The following ST6GAL1 variants were observed in gnomAD, a reference collection of about 807,000 sequenced individuals.
The protein encoded by ST6GAL1 is ST6 beta-galactoside alpha-2,6-sialyltransferase 1.
In ST6GAL1, 20 loss-of-function variants were observed where a neutral mutation model predicts 38.0. The observed-to-expected ratio is 0.53, with a 90% confidence interval of 0.37 to 0.77. ST6GAL1 has a LOEUF of 0.77. Among genes scored for constraint, ST6GAL1 ranks in the 30% least tolerant of loss-of-function variants. The probability of loss-of-function intolerance (pLI) is 0.00; values close to 1 mark genes in which losing one functional copy is unlikely to be tolerated. For missense variants in ST6GAL1, 432 were observed against 496.4 expected (o/e 0.87, Z 1.23); for synonymous variants, 196 against 188.2 (o/e 1.04, Z -0.34).
intron 4 of ST6GAL1, 138 bp from the exon 5 acceptor site, chr3:187,051,111 C>A: frequency 1.4e-6 from 1 of 720,920 alleles, no homozygotes; most frequent in Non-Finnish European, 2.4e-6. Flanking sequence ...CAAATACTGC[C>A]ATTTCGCCCT....
intron 5 of ST6GAL1, among the ~76,000 whole-genome samples, chr3:187,059,434 C>T (rs908427462): frequency 6.6e-6 from 1 of 152,200 alleles, no homozygotes; most frequent in Non-Finnish European, 1.5e-5. Flanking sequence ...AAAACCTCAT[C>T]TCCACTTCTA....
intron 2 of ST6GAL1, among the ~76,000 whole-genome samples, chr3:186,992,758 T>G (rs1716220317): frequency 6.6e-6 from 1 of 152,174 alleles, no homozygotes; most frequent in Admixed American, 6.5e-5. Context: ...ATCTCACCAC[T>G]GTACGCTAGC....
At chr3:186,944,252 A>G (rs948613843) in intron 1 of ST6GAL1, among the ~76,000 whole-genome samples, 4 of 152,204 alleles carry the variant, frequency 2.6e-5, no homozygotes, top group African/African-American at 9.7e-5. Flanking sequence ...GTTTGGAGAA[A>G]CACTTTGGGG....
chr3:187,029,774 G>A (rs1411318692), intron 2 of ST6GAL1, among the ~76,000 whole-genome samples: 1 of 152,206 alleles, frequency 6.6e-6, no homozygotes, highest in Non-Finnish European at 1.5e-5. Flanking sequence ...AGCCAATCAT[G>A]TGTGATCAAA....
intron 4 of ST6GAL1, among the ~76,000 whole-genome samples, chr3:187,050,662 C>T (rs542898144): frequency 5.0e-4 from 76 of 152,196 alleles, no homozygotes; most frequent in African/African-American, 1.8e-3. Context: ...CTCTGACCTC[C>T]TCTTCCATTT....
Position 187,075,754 on chromosome 3 carries a change from A to C in ST6GAL1, c.1172A>C (p.Tyr391Ser), listed in dbSNP as rs933095746. The C allele has an allele frequency of 6.2e-7, 1 of 1,614,232 alleles. No individual in the cohort carries two copies. Among genetic ancestry groups the C allele is most frequent in the African/African-American group, 1.3e-5 (1 of 75,066 alleles). Residue 391 changes from tyrosine (Y) to serine (S), a missense_variant, in exon 8 of 8, where the codon TAC becomes TCC. Physicochemically the swap from Tyr to Ser is moderately radical, Grantham distance 144. Coordinates refer to ENST00000169298, the MANE Select transcript of ST6GAL1 (RefSeq NM_173216.2). The surrounding 1 kb of genome is among the most constrained non-coding windows in gnomAD (Gnocchi z 4.1). The stretch of plus-strand genomic sequence containing the variant: ...AACCAGGGCACAGATGAGGACATCT[A>C]CCTGCTTGGAAAAGCCACACTGCCT... The part of the protein sequence containing the change: ...HLNQGTDEDI[Y>S]LLGKATLPGF...
At chr3:186,941,590 C>T (rs962759220) in intron 1 of ST6GAL1, among the ~76,000 whole-genome samples, 1 of 151,486 alleles carries the variant, frequency 6.6e-6, no homozygotes, top group Non-Finnish European at 1.5e-5. Flanking sequence ...GCAAGATGGG[C>T]GGGGGGTGAG....
At chr3:186,993,352 G>A (rs1207401359) in intron 2 of ST6GAL1, among the ~76,000 whole-genome samples, 3 of 152,114 alleles carry the variant, frequency 2.0e-5, no homozygotes, top group Non-Finnish European at 2.9e-5. Context: ...TTGGCATAGG[G>A]TCACCTGTAC....
intron 1 of ST6GAL1, among the ~76,000 whole-genome samples, chr3:186,937,124 AC>A (rs1446008497): frequency 1.3e-5 from 2 of 152,024 alleles, no homozygotes; most frequent in Non-Finnish European, 2.9e-5. Context: ...ATGGTTGAGA[AC>A]ATACTGTATG....
intron 2 of ST6GAL1, among the ~76,000 whole-genome samples, chr3:187,003,718 G>A (rs577924932): frequency 6.6e-6 from 1 of 152,272 alleles, no homozygotes; most frequent in African/African-American, 2.4e-5. Flanking sequence ...GAATTTTTAG[G>A]AGAAGGATAA....
At chr3:187,063,075 A>T (rs979014696) in intron 5 of ST6GAL1, among the ~76,000 whole-genome samples, 42 of 152,386 alleles carry the variant, frequency 2.8e-4, no homozygotes, top group Admixed American at 3.9e-4. Context: ...CTGAATACTT[A>T]AAGTTGCTAA....
At chr3:187,014,125 C>A (rs1432969538) in intron 2 of ST6GAL1, among the ~76,000 whole-genome samples, 1 of 152,238 alleles carries the variant, frequency 6.6e-6, no homozygotes, top group African/African-American at 2.4e-5. Context: ...ACAATCCTTA[C>A]TTCTAACCCT....
intron 1 of ST6GAL1, among the ~76,000 whole-genome samples, chr3:186,933,105 C>G (rs1713817412): frequency 6.6e-6 from 1 of 152,236 alleles, no homozygotes; most frequent in African/African-American, 2.4e-5. Flanking sequence ...GTTTGGCGTG[C>G]TTTCCCCTAA....
chr3:187,023,962 C>T (rs1447069354), intron 2 of ST6GAL1, among the ~76,000 whole-genome samples: 1 of 151,702 alleles, frequency 6.6e-6, no homozygotes, highest in Non-Finnish European at 1.5e-5. Flanking sequence ...CCGGGGCCAC[C>T]ACAAAGTAGA....
chr3:186,941,593 G>A (rs1254802492), intron 1 of ST6GAL1, among the ~76,000 whole-genome samples: 2 of 152,154 alleles, frequency 1.3e-5, no homozygotes, highest in Non-Finnish European at 2.9e-5. Context: ...AGATGGGCGG[G>A]GGGTGAGGAG....
At chr3:187,032,406 A>G (rs1717784175) in intron 2 of ST6GAL1, among the ~76,000 whole-genome samples, 2 of 152,342 alleles carry the variant, frequency 1.3e-5, no homozygotes, top group South Asian at 2.1e-4. Context: ...AGTGTTTTCT[A>G]CAGGGGGCTA....
chr3:187,026,654 T>G (rs546014537), intron 2 of ST6GAL1, among the ~76,000 whole-genome samples: 1 of 152,228 alleles, frequency 6.6e-6, no homozygotes, highest in African/African-American at 2.4e-5. Context: ...AGAGCCTGAG[T>G]GAACTGTTTC....
At chr3:187,045,691 T>G in intron 4 of ST6GAL1, among the ~76,000 whole-genome samples, 1 of 152,236 alleles carries the variant, frequency 6.6e-6, no homozygotes. Flanking sequence ...AAGACCCCAC[T>G]CTTGGCACCT....
intron 5 of ST6GAL1, among the ~76,000 whole-genome samples, chr3:187,053,970 T>C (rs1718602105): frequency 6.6e-6 from 1 of 152,190 alleles, no homozygotes; most frequent in Non-Finnish European, 1.5e-5. Flanking sequence ...CCTCTTTTAT[T>C]TTGTTGAGCA....
Sources: allele counts gnomAD v4.1 joint callset (sites outside exome capture counted in the v4.1 genomes callset), GRCh38; gene constraint gnomAD v4.1.1; non-coding constraint Gnocchi (gnomAD v3.1); transcripts MANE v1.5; gene names NCBI Gene and HGNC (gene_info 2026-07-23, HGNC 2026-07-21).